The following ENOX1 variants were observed in gnomAD, a reference collection of about 807,000 sequenced individuals.
The protein encoded by ENOX1 is candidate growth-related and time keeping constitutive hydroquinone (NADH) oxidase.
In ENOX1, 42 loss-of-function variants were observed where a neutral mutation model predicts 82.5. The observed-to-expected ratio is 0.51, with a 90% confidence interval of 0.40 to 0.66. ENOX1 has a LOEUF of 0.66. ENOX1 is among the 30% of genes least tolerant of loss of function. The pLI, the probability that ENOX1 is intolerant of heterozygous loss-of-function variation, is 0.00. For synonymous variants in ENOX1, 271 were observed against 282.2 expected, an observed-to-expected ratio of 0.96 and a Z score of 0.40; for missense variants, 608 against 811.6, an observed-to-expected ratio of 0.75 and a Z score of 3.05.
At chr13:43,515,122 G>C (rs375653022) in intron 2 of ENOX1, among the ~76,000 whole-genome samples, 8 of 152,302 alleles carry the variant, frequency 5.3e-5, no homozygotes, top group African/African-American at 1.7e-4. Context: ...CACGCAACCA[G>C]TACACGGCAG....
At chr13:43,489,105 G>A (rs1175715802) in intron 2 of ENOX1, among the ~76,000 whole-genome samples, 1 of 152,216 alleles carries the variant, frequency 6.6e-6, no homozygotes, top group Non-Finnish European at 1.5e-5. Context: ...AGGTGCTTTA[G>A]AAGAAAGCCA....
At chr13:43,574,877 A>G (rs1016494736) in intron 2 of ENOX1, among the ~76,000 whole-genome samples, 1 of 152,184 alleles carries the variant, frequency 6.6e-6, no homozygotes, top group African/African-American at 2.4e-5. Flanking sequence ...AGATTTTCCC[A>G]CAATGACTGG....
chr13:43,526,197 C>T (rs779235531), intron 2 of ENOX1, among the ~76,000 whole-genome samples: 64 of 152,254 alleles, frequency 4.2e-4, no homozygotes, highest in African/African-American at 1.4e-3. Context: ...ATTAAAAGCA[C>T]ATAATGTTGC....
intron 3 of ENOX1, chr13:43,459,286 T>C (rs1234774213): frequency 6.6e-6 from 1 of 152,182 alleles, no homozygotes; most frequent in East Asian, 1.9e-4. Flanking sequence ...CTGGCAATTT[T>C]GGCAATCAAT....
chr13:43,265,348 TTCAACCAACG>T (rs1406328534), intron 14 of ENOX1, 40 bp downstream of exon 14: 1 of 1,533,398 alleles, frequency 6.5e-7, no homozygotes, highest in African/African-American at 1.4e-5. Context: ...TCCCCATGTG[TTCAACCAACG>T]TCAAGCAAGA....
At chr13:43,219,637 G>C (rs1195006438) in intron 16 of ENOX1, among the ~76,000 whole-genome samples, 2 of 152,208 alleles carry the variant, frequency 1.3e-5, no homozygotes, top group Non-Finnish European at 2.9e-5. Context: ...GTGTAACTAA[G>C]GAGCTTGTGT....
intron 1 of ENOX1, among the ~76,000 whole-genome samples, chr13:43,702,164 G>C (rs1024604948): frequency 6.6e-6 from 1 of 152,120 alleles, no homozygotes; most frequent in Non-Finnish European, 1.5e-5. Flanking sequence ...GTTGCTGCAC[G>C]TATCAATGGT....
intron 1 of ENOX1, among the ~76,000 whole-genome samples, chr13:43,777,565 C>T (rs542699698): frequency 4.1e-5 from 6 of 145,620 alleles, no homozygotes; most frequent in East Asian, 3.9e-4. Context: ...TTTTCTGAGA[C>T]GGAGTCTCAC....
At chr13:43,719,135 C>A (rs1338787367) in intron 1 of ENOX1, among the ~76,000 whole-genome samples, 1 of 152,190 alleles carries the variant, frequency 6.6e-6, no homozygotes, top group East Asian at 1.9e-4. Flanking sequence ...CACTGGCAAC[C>A]ATTCCCTGAA....
At chr13:43,676,256 G>A (rs1182220237) in intron 1 of ENOX1, among the ~76,000 whole-genome samples, 2 of 152,126 alleles carry the variant, frequency 1.3e-5, no homozygotes, top group Non-Finnish European at 2.9e-5. Flanking sequence ...GAGTTCACAG[G>A]TCTGGTCTTT....
intron 3 of ENOX1, among the ~76,000 whole-genome samples, chr13:43,413,719 T>A (rs1010304850): frequency 6.9e-6 from 1 of 144,162 alleles, no homozygotes. Flanking sequence ...TTATATATAT[T>A]TATATATATA....
intron 1 of ENOX1, among the ~76,000 whole-genome samples, chr13:43,752,532 T>C (rs1400949458): frequency 1.3e-5 from 2 of 152,364 alleles, no homozygotes; most frequent in Admixed American, 1.3e-4. Flanking sequence ...TATATGTCCA[T>C]GTGGTGTTCA....
intron 3 of ENOX1, among the ~76,000 whole-genome samples, chr13:43,472,474 T>A (rs2058110509): frequency 6.6e-6 from 1 of 152,168 alleles, no homozygotes; most frequent in Admixed American, 6.5e-5. Flanking sequence ...TTAGAAACGG[T>A]ATTTCCTTGA....
chr13:43,297,590 A>T (rs1319183172), intron 12 of ENOX1, among the ~76,000 whole-genome samples: 3 of 152,176 alleles, frequency 2.0e-5, no homozygotes, highest in Non-Finnish European at 4.4e-5. Flanking sequence ...TCTGACTGTG[A>T]ATCTTTGACT....
intron 5 of ENOX1, among the ~76,000 whole-genome samples, chr13:43,401,647 G>C (rs2053503230): frequency 6.6e-6 from 1 of 152,146 alleles, no homozygotes; most frequent in Non-Finnish European, 1.5e-5. Context: ...GAAGTGCAAA[G>C]GCTGGGGCAA....
At chr13:43,312,398 G>A (rs981615162) in intron 11 of ENOX1, among the ~76,000 whole-genome samples, 1 of 152,152 alleles carries the variant, frequency 6.6e-6, no homozygotes, top group Non-Finnish European at 1.5e-5. Context: ...TGATCCTCAG[G>A]TAGGCTCTCC....
At chr13:43,318,630 C>T (rs56269517) in intron 11 of ENOX1, among the ~76,000 whole-genome samples, 1 of 152,214 alleles carries the variant, frequency 6.6e-6, no homozygotes, top group African/African-American at 2.4e-5. Context: ...CTATCAACTT[C>T]TGGGACAAAG....
At chr13:43,337,846 C>T (rs1054900518) in intron 9 of ENOX1, among the ~76,000 whole-genome samples, 1 of 152,208 alleles carries the variant, frequency 6.6e-6, no homozygotes. Flanking sequence ...AAGCCTCTCA[C>T]GTCTGCTCTC....
intron 2 of ENOX1, among the ~76,000 whole-genome samples, chr13:43,542,222 C>G (rs939229958): frequency 6.6e-6 from 1 of 152,074 alleles, no homozygotes; most frequent in Non-Finnish European, 1.5e-5. Context: ...TCACTGCAAC[C>G]TCTGTCTCTC....
Sources: gnomAD v4.1 joint callset for allele counts (sites outside exome capture counted in the v4.1 genomes callset) on GRCh38, gnomAD v4.1.1 for gene constraint, MANE v1.5 for transcripts, NCBI Gene and HGNC (gene_info 2026-07-23, HGNC 2026-07-21) for gene names.